Variants in NAA20 observed in about 807,000 individuals in gnomAD.
NAA20 encodes N-alpha-acetyltransferase 20.
NAA20 carries 24 observed loss-of-function variants against 23.8 expected under a neutral mutation model. The ratio of observed to expected loss-of-function variants is 1.01; its 90% CI spans 0.73 to 1.42. The LOEUF (loss-of-function observed/expected upper bound fraction) is 1.42, where lower values mean the gene tolerates loss of function less well. Ranked by LOEUF, NAA20 falls within the 40% of genes most tolerant of loss-of-function variation. NAA20 has a pLI of 0.00. For synonymous variants in NAA20, 83 were observed against 77.7 expected, an observed-to-expected ratio of 1.07 and a Z score of -0.36; for missense variants, 166 against 223.1, an observed-to-expected ratio of 0.74 and a Z score of 1.63.
chr20:20,028,723 G>A (rs542560313), intron 4 of NAA20, among the ~76,000 whole-genome samples: 2 of 152,064 alleles, frequency 1.3e-5, no homozygotes, highest in South Asian at 2.1e-4. Context: ...CTATATACAT[G>A]TATACATAGT....
intron 2 of NAA20, among the ~76,000 whole-genome samples, chr20:20,025,297 C>T (rs1323312308): frequency 6.6e-6 from 1 of 152,116 alleles, no homozygotes; most frequent in South Asian, 2.1e-4. Flanking sequence ...GTACCAGGCA[C>T]CAGGGACAGA....
chr20:20,027,828 A>T (rs1266843244), intron 4 of NAA20, among the ~76,000 whole-genome samples: 1 of 151,956 alleles, frequency 6.6e-6, no homozygotes, highest in East Asian at 1.9e-4. Context: ...AATACAATAA[A>T]TAGAAGAGAA....
chr20:20,032,943 G>A (rs570175492), intron 5 of NAA20, among the ~76,000 whole-genome samples, 159 bp from the exon 6 acceptor site: 1 of 152,258 alleles, frequency 6.6e-6, no homozygotes, highest in South Asian at 2.1e-4. Flanking sequence ...TTAGCATCTG[G>A]TACACTTGGC....
chr20:20,022,564 T>C, intron 2 of NAA20, 84 bp downstream of exon 2: 1 of 1,245,484 alleles, frequency 8.0e-7, no homozygotes, highest in South Asian at 1.5e-5. Flanking sequence ...AACAGAGGAG[T>C]ACTGAAAAGT....
Position 20,033,312 on chromosome 20 carries a change from A to C in NAA20, c.*125A>C, listed in dbSNP as rs1415501111. On this transcript the variant is annotated 3_prime_UTR_variant, in exon 6 of 6. Coordinates refer to ENST00000334982, the MANE Select transcript of NAA20 (RefSeq NM_016100.5). Reference sequence around the variant, plus strand: ...TTTAGGTCTTAAAGACTTCAAGAAAATACAGGTTATCAATTTATTTTAAAT... The same window carrying C: ...TTTAGGTCTTAAAGACTTCAAGAAACTACAGGTTATCAATTTATTTTAAAT... 1 of 682,092 alleles carries C rather than the reference A, an allele frequency of 1.5e-6. No individual in the cohort carries two copies. Among genetic ancestry groups the C allele is most frequent in the African/African-American group, 1.8e-5 (1 of 55,920 alleles). The allele number at this position is 682,092 out of a possible 1,614,324, so 42.3% of individuals were successfully genotyped here. A position where few individuals can be genotyped will look rare whatever the true frequency, so the allele number is the denominator to read the frequency against.
intron 1 of NAA20, chr20:20,018,293 A>ATTTATAT (rs2043245241): frequency 1.8e-6 from 1 of 564,250 alleles, no homozygotes; most frequent in Non-Finnish European, 3.2e-6. Flanking sequence ...GCTTTTATAG[A>ATTTATAT]CACTTTTCCT....
chr20:20,024,101 C>A (rs1013824776), intron 2 of NAA20, among the ~76,000 whole-genome samples: 4 of 152,224 alleles, frequency 2.6e-5, no homozygotes, highest in African/African-American at 9.6e-5. Context: ...ACTGTATGGC[C>A]CACAAAGCCT....
chr20:20,026,961 C>G, intron 4 of NAA20, 42 bp downstream of exon 4: 5 of 1,611,988 alleles, frequency 3.1e-6, no homozygotes, highest in Non-Finnish European at 3.4e-6. Context: ...ATTTGTGGAC[C>G]CCTAACCATT....
intron 4 of NAA20, 116 bp from the exon 5 acceptor site, chr20:20,032,392 C>T: frequency 2.1e-6 from 2 of 930,866 alleles, no homozygotes; most frequent in Non-Finnish European, 1.5e-6. Flanking sequence ...CCTATTACTA[C>T]CATTCTGAGT....
At chr20:20,031,839 T>C (rs1418752017) in intron 4 of NAA20, among the ~76,000 whole-genome samples, 2 of 152,178 alleles carry the variant, frequency 1.3e-5, no homozygotes, top group Admixed American at 6.5e-5. Context: ...CACTGTAAGA[T>C]TGGCAAAAAT....
intron 3 of NAA20, 128 bp from the exon 4 acceptor site, chr20:20,026,656 A>C: frequency 9.9e-7 from 1 of 1,011,092 alleles, no homozygotes; most frequent in African/African-American, 1.6e-5. Flanking sequence ...TAGCTGGATG[A>C]CCTCAGGTGG....
At chr20:20,027,026 T>A in intron 4 of NAA20, 107 bp downstream of exon 4, 2 of 1,394,282 alleles carry the variant, frequency 1.4e-6, no homozygotes, top group East Asian at 2.3e-5. Flanking sequence ...AGGAATTTCA[T>A]CTTCCATCTC....
At chr20:20,032,870 C>A (rs2043357080) in intron 5 of NAA20, among the ~76,000 whole-genome samples, 1 of 152,166 alleles carries the variant, frequency 6.6e-6, no homozygotes, top group African/African-American at 2.4e-5. Flanking sequence ...CACTCTGTTA[C>A]ATACATATTA....
chr20:20,025,482 A>G (rs148411241), intron 2 of NAA20, among the ~76,000 whole-genome samples, 195 bp from the exon 3 acceptor site: 41 of 152,332 alleles, frequency 2.7e-4, no homozygotes, highest in Non-Finnish European at 3.8e-4. Flanking sequence ...ACTTGAGGCT[A>G]TATGTCCAGG....
At position 20,026,779 on chromosome 20, in the gene NAA20, GGCAGTTATGGGTAAA is replaced by G; in HGVS notation, c.170_184del (p.Ile57_Glu62delinsLys). 1.2e-6 allele frequency: 2 copies of G among 1,612,728 alleles called. No individual in the cohort carries two copies. Among genetic ancestry groups the G allele is most frequent in the Non-Finnish European group, 1.7e-6 (2 of 1,179,138 alleles). On this transcript the variant is annotated splice_acceptor_variant and splice_polypyrimidine_tract_variant and coding_sequence_variant and intron_variant, in exon 4 of 6. Coordinates refer to ENST00000334982, the MANE Select transcript of NAA20 (RefSeq NM_016100.5). LOFTEE classifies it high-confidence loss of function. ...ACTGAATGTGATTTTTGTTGTTGTT[GGCAGTTATGGGTAAA>G]GCAGAAGGCTCAGTAGCTAGGGAAG...
chr20:20,029,074 G>A (rs922568298), intron 4 of NAA20, among the ~76,000 whole-genome samples: 4 of 151,912 alleles, frequency 2.6e-5, no homozygotes, highest in Admixed American at 6.6e-5. Context: ...GATTACAGGC[G>A]CCCACCACCA....
chr20:20,033,053 G>A lies in NAA20; in HGVS notation c.452-49G>A, dbSNP rs758493420. 4.3e-6 allele frequency: 6 copies of A among 1,386,506 alleles called. No homozygotes were observed. In the East Asian group the frequency reaches 1.4e-4, roughly 32 times the overall value. The allele number at this position is 1,386,506 out of a possible 1,614,324, so 85.9% of individuals were successfully genotyped here. ...AACTTTACCTATACACTTTACATTT[G>A]ATATAATACATTTTTTGGGTGTTTA... On this transcript the variant is annotated intron_variant, in intron 5 of 5. Coordinates refer to ENST00000334982, the MANE Select transcript of NAA20 (RefSeq NM_016100.5).
At chr20:20,026,212 G>A (rs1032014611) in intron 3 of NAA20, among the ~76,000 whole-genome samples, 1 of 152,002 alleles carries the variant, frequency 6.6e-6, no homozygotes, top group African/African-American at 2.4e-5. Context: ...AGCTGAGGCG[G>A]GAGAATCACT....
chr20:20,017,342 C>G, upstream of NAA20: 1 of 1,605,090 alleles, frequency 6.2e-7, no homozygotes, highest in Non-Finnish European at 8.5e-7. Flanking sequence ...GGGAGACTTC[C>G]GGCAGGGCGG....
Sources: gnomAD v4.1 joint callset for allele counts (sites outside exome capture counted in the v4.1 genomes callset) on GRCh38, gnomAD v4.1.1 for gene constraint, MANE v1.5 for transcripts, NCBI Gene and HGNC (gene_info 2026-07-23, HGNC 2026-07-21) for gene names.